The following DTX3L variants were observed in gnomAD, a reference collection of about 807,000 sequenced individuals.
DTX3L encodes the protein E3 ubiquitin-protein ligase DTX3L.
A neutral mutation model predicts 60.9 loss-of-function variants in DTX3L; 34 were observed. The ratio of observed to expected loss-of-function variants is 0.56; its 90% CI spans 0.42 to 0.74. The LOEUF is 0.74. DTX3L is among the 30% of genes least tolerant of loss of function. The pLI is 0.00. For missense variants in DTX3L, 810 were observed against 874.0 expected, an observed-to-expected ratio of 0.93 and a Z score of 0.92; for synonymous variants, 290 against 316.6, an observed-to-expected ratio of 0.92 and a Z score of 0.89.
At position 122,569,077 on chromosome 3, in the gene DTX3L, A is replaced by G. The variant is rs1265303679; in HGVS notation, c.988A>G (p.Thr330Ala). Residue 330 changes from threonine (T) to alanine (A), a missense_variant, in exon 3 of 5, where the codon ACA becomes GCA. Coordinates refer to ENST00000296161, the MANE Select transcript of DTX3L (RefSeq NM_138287.3). ...KFKQELNHQF[T>A]KLLIKEKGGE... ...CAAACAGGAATTGAATCACCAGTTT[A>G]CAAAGCTCCTTATAAAGGAGAAAGG... 1.2e-6 allele frequency: 2 copies of G among 1,614,046 alleles called. No homozygotes were observed. The highest frequency in any genetic ancestry group is 1.7e-6 in the Non-Finnish European group (2 of 1,180,026).
rs773786311 is a variant in DTX3L at position 122,564,426 on chromosome 3, C to T, written c.-1C>T. On this transcript the variant is annotated 5_prime_UTR_variant, in exon 1 of 5. Coordinates refer to ENST00000296161, the MANE Select transcript of DTX3L (RefSeq NM_138287.3). Reference sequence around the variant, plus strand: ...CCCGCGCCCTCCCGACGCGCAGAGCCATGGCCTCCCACCTGCGCCCGCCGT... The same window carrying T: ...CCCGCGCCCTCCCGACGCGCAGAGCTATGGCCTCCCACCTGCGCCCGCCGT... The T allele has an allele frequency of 2.5e-6, 4 of 1,608,462 alleles. No individual in the cohort carries two copies. The highest frequency in any genetic ancestry group is 2.2e-5 in the East Asian group (1 of 44,498).
In DTX3L at chr3:122,569,360, A is replaced by G. The variant is rs765579354; in HGVS notation, c.1271A>G (p.Asp424Gly). 5 of 1,614,182 alleles carry G rather than the reference A, an allele frequency of 3.1e-6. No homozygotes were observed. In the South Asian group the frequency reaches 5.5e-5, roughly 18 times the overall value. Residue 424 changes from aspartate (D) to glycine (G), a missense_variant, in exon 3 of 5, where the codon GAC becomes GGC. Coordinates refer to ENST00000296161, the MANE Select transcript of DTX3L (RefSeq NM_138287.3). The stretch of plus-strand genomic sequence containing the variant: ...ACCTGCATTCTGTTTGAATCCAAGG[A>G]CAGGCAGGTAGATCTATCTGTGCAT... ...QKTCILFESKDRQVDLSVHAY... is the reference protein window; with the variant it reads ...QKTCILFESKGRQVDLSVHAY...
chr3:122,566,336 G>C (rs2080590887), intron 2 of DTX3L, among the ~76,000 whole-genome samples: 2 of 151,504 alleles, frequency 1.3e-5, no homozygotes, highest in Admixed American at 1.3e-4. Flanking sequence ...AACAGCGCCA[G>C]GGCAAGCAAG....
rs768803230 is a variant in DTX3L at position 122,569,070 on chromosome 3, C to G, written c.981C>G (p.His327Gln). The G allele has an allele frequency of 1.2e-6, 2 of 1,613,908 alleles. No individual in the cohort carries two copies. Among genetic ancestry groups the G allele is most frequent in the Non-Finnish European group, 1.7e-6 (2 of 1,179,982 alleles). The change falls in exon 3 of 5, where the codon CAC (histidine) becomes CAG (glutamine). Residue 327 changes from histidine to glutamine, a missense_variant. By Grantham distance (24) the His-to-Gln change is conservative. Coordinates refer to ENST00000296161, the MANE Select transcript of DTX3L (RefSeq NM_138287.3). ...QANKFKQELN[H>Q]QFTKLLIKEK... ...ATAAATTCAAACAGGAATTGAATCA[C>G]CAGTTTACAAAGCTCCTTATAAAGG...
At chr3:122,566,183 T>C (rs560240735) in intron 2 of DTX3L, 113 bp downstream of exon 2, 804 of 878,548 alleles carry the variant, frequency 9.2e-4, no homozygotes, top group Non-Finnish European at 1.3e-3. Context: ...AGCCAGGCAC[T>C]GTTTTAGGCA....
rs2080636421 is a variant in DTX3L, at chr3:122,570,388, A to T, written c.1936-67A>T. 3.4e-6 allele frequency: 5 copies of T among 1,491,978 alleles called. No homozygotes were observed. In the South Asian group the frequency reaches 4.6e-5, roughly 14 times the overall value. 92.4% of individuals were successfully genotyped at this position (1,491,978 alleles called of 1,614,324 possible). Reference sequence around the variant, plus strand: ...ATTTGCTTTATCTACAAATGAACACATCTATACCTATAGTAAAAATTAGAC... The same window carrying T: ...ATTTGCTTTATCTACAAATGAACACTTCTATACCTATAGTAAAAATTAGAC... On this transcript the variant is annotated intron_variant, in intron 3 of 4. Coordinates refer to ENST00000296161, the MANE Select transcript of DTX3L (RefSeq NM_138287.3).
chr3:122,568,426 G>T, intron 2 of DTX3L, 63 bp from the exon 3 acceptor site: 1 of 1,371,942 alleles, frequency 7.3e-7, no homozygotes. Flanking sequence ...TTCTCCTGAA[G>T]AGAAGATGGT....
At position 122,564,348 on chromosome 3, in the gene DTX3L, G is replaced by GC. The variant is rs1230508283; in HGVS notation, c.-76dup. The GC allele has an allele frequency of 2.7e-6, 4 of 1,465,694 alleles. No individual in the cohort carries two copies. The highest frequency in any genetic ancestry group is 3.6e-6 in the Non-Finnish European group (4 of 1,097,774). The allele number at this position is 1,465,694 out of a possible 1,614,324, so 90.8% of individuals were successfully genotyped here. On this transcript the variant is annotated 5_prime_UTR_variant, in exon 1 of 5. Coordinates refer to ENST00000296161, the MANE Select transcript of DTX3L (RefSeq NM_138287.3). ...CAGGGAAGCGAAACTGAAACTTTGC[G>GC]CCCAGTCCGCAGGGCGGGCCGCGCC...
In DTX3L at chr3:122,572,394, G is replaced by T. The variant is rs976678726; in HGVS notation, c.*647G>T. 4.6e-5 allele frequency: 7 copies of T among 152,086 alleles called. No homozygotes were observed. Among genetic ancestry groups the T allele is most frequent in the African/African-American group, 1.7e-4 (7 of 41,402 alleles). 9.4% of individuals were successfully genotyped at this position (152,086 alleles called of 1,614,324 possible). On this transcript the variant is annotated 3_prime_UTR_variant, in exon 5 of 5. Coordinates refer to ENST00000296161, the MANE Select transcript of DTX3L (RefSeq NM_138287.3). Reference sequence around the variant, plus strand: ...CTTTTTCATTGCCATCTCTGGGGTGGTTCTTTGGTTTTTTGTGTGTTTTCC... The same window carrying T: ...CTTTTTCATTGCCATCTCTGGGGTGTTTCTTTGGTTTTTTGTGTGTTTTCC...
At chr3:122,570,297 A>T in intron 3 of DTX3L, 158 bp from the exon 4 acceptor site, 1 of 823,344 alleles carries the variant, frequency 1.2e-6, no homozygotes, top group Non-Finnish European at 1.9e-6. Context: ...GCATGAATTC[A>T]AGGAAAGAGG....
rs536692243 is a variant in DTX3L at position 122,570,818 on chromosome 3, A to G, written c.2153+146A>G. The G allele has an allele frequency of 4.7e-6, 4 of 844,484 alleles. No individual in the cohort carries two copies. In the South Asian group the frequency reaches 5.2e-5, roughly 11 times the overall value. 52.3% of individuals were successfully genotyped at this position (844,484 alleles called of 1,614,324 possible). Reference sequence around the variant, plus strand: ...CTGATCGGGGATGGTAATCTCAAAGACAGAAAGATTGGTCCCCATCAACTT... The same window carrying G: ...CTGATCGGGGATGGTAATCTCAAAGGCAGAAAGATTGGTCCCCATCAACTT... On this transcript the variant is annotated intron_variant, in intron 4 of 4. Transcript: ENST00000296161.
Position 122,569,020 on chromosome 3 carries a change from T to C in DTX3L, c.931T>C (p.Ser311Pro), listed in dbSNP as rs754454432. 1.1e-5 allele frequency: 17 copies of C among 1,614,178 alleles called. No homozygotes were observed. Among genetic ancestry groups the C allele is most frequent in the Middle Eastern group, 3.3e-4 (2 of 6,062 alleles). ...AGAACCTCTGAAGCAAGAATGTGTC[T>C]CTTTAGCAGACAGTAAGCAGGCAAA... ...NTEPLKQECVSLADSKQANKF... is the reference protein window; with the variant it reads ...NTEPLKQECVPLADSKQANKF... The change falls in exon 3 of 5, where the codon TCT becomes CCT. Residue 311 changes from serine to proline, a missense_variant. By Grantham distance (74) the Ser-to-Pro change is moderately conservative. Transcript: ENST00000296161.
intron 3 of DTX3L, 180 bp from the exon 4 acceptor site, chr3:122,570,275 A>G: frequency 2.7e-6 from 2 of 750,486 alleles, no homozygotes; most frequent in South Asian, 3.7e-5. Flanking sequence ...AGGAAGGTGG[A>G]CAGTGTTTCC....
Position 122,568,505 on chromosome 3 carries a change from C to T in DTX3L, c.416C>T (p.Thr139Ile), listed in dbSNP as rs766418726. The change falls in exon 3 of 5, where the codon ACA becomes ATA. Residue 139 changes from threonine (T) to isoleucine (I), a missense_variant. By Grantham distance (89) the Thr-to-Ile change is moderately conservative. Coordinates refer to ENST00000296161, the MANE Select transcript of DTX3L (RefSeq NM_138287.3). ...SCLQKIFLTVTADLNCNLFSK... is the reference protein window; with the variant it reads ...SCLQKIFLTVIADLNCNLFSK... ...AAATTTCAGATCTTTCTTACTGTAA[C>T]AGCTGACCTGAACTGTAACCTGTTC... The T allele has an allele frequency of 1.9e-6, 3 of 1,601,968 alleles. No individual in the cohort carries two copies. Among genetic ancestry groups the T allele is most frequent in the Non-Finnish European group, 2.6e-6 (3 of 1,174,524 alleles).
chr3:122,566,243 T>A (rs552235880), intron 2 of DTX3L, among the ~76,000 whole-genome samples, 173 bp downstream of exon 2: 1 of 152,348 alleles, frequency 6.6e-6, no homozygotes, highest in South Asian at 2.1e-4. Context: ...CTCAGGCAGC[T>A]TATACTGGGG....
At position 122,568,538 on chromosome 3, in the gene DTX3L, A is replaced by C; in HGVS notation, c.449A>C (p.Glu150Ala). ...CTGAACTGTAACCTGTTCTCCAAAG[A>C]GCAGAGGGCATACATAACCACACTG... ...ADLNCNLFSK[E>A]QRAYITTLCP... Residue 150 changes from glutamate to alanine, a missense_variant, in exon 3 of 5, where the codon GAG (glutamate) becomes GCG (alanine). Physicochemically the swap from Glu to Ala is moderately radical, Grantham distance 107. Coordinates refer to ENST00000296161, the MANE Select transcript of DTX3L (RefSeq NM_138287.3). 6.2e-7 allele frequency: 1 copy of C among 1,614,018 alleles called. No individual in the cohort carries two copies. Among genetic ancestry groups the C allele is most frequent in the Non-Finnish European group, 8.5e-7 (1 of 1,179,980 alleles).
At chr3:122,567,514 C>T (rs367733166) in intron 2 of DTX3L, among the ~76,000 whole-genome samples, 7 of 152,224 alleles carry the variant, frequency 4.6e-5, no homozygotes, top group East Asian at 3.9e-4. Context: ...AGGAATTTTG[C>T]TTTTATATTA....
At position 122,568,687 on chromosome 3, in the gene DTX3L, CA is replaced by C; in HGVS notation, c.600del (p.Gln200HisfsTer6). The C allele has an allele frequency of 6.2e-7, 1 of 1,614,184 alleles. No homozygotes were observed. The highest frequency in any genetic ancestry group is 1.1e-5 in the South Asian group (1 of 91,084). ...EQFLESEQKQ[Q>X]FSPSMTERKP... The stretch of plus-strand genomic sequence containing the variant: ...GTTCCTGGAAAGTGAGCAGAAACAA[CA>C]ATTTTCCCCTTCAATGACAGAGAGG... On this transcript the variant is annotated frameshift_variant, in exon 3 of 5. Transcript: ENST00000296161. LOFTEE classifies it high-confidence loss of function.
At chr3:122,570,771 G>A in intron 4 of DTX3L, 99 bp downstream of exon 4, 11 of 1,274,540 alleles carry the variant, frequency 8.6e-6, no homozygotes, top group Middle Eastern at 2.1e-4. Context: ...CTATAGCAGT[G>A]GAATTGGTGT....
Sources: allele counts gnomAD v4.1 joint callset (sites outside exome capture counted in the v4.1 genomes callset), GRCh38; gene constraint gnomAD v4.1.1; transcripts MANE v1.5; gene names NCBI Gene and HGNC (gene_info 2026-07-23, HGNC 2026-07-21).